SPTBN4: variants seen among roughly 807,000 people sequenced by gnomAD.
SPTBN4 encodes spectrin beta, non-erythrocytic 4.
SPTBN4 carries 96 observed loss-of-function variants against 277.8 expected under a neutral mutation model. The observed-to-expected ratio is 0.35, with a 90% CI of 0.29 to 0.41. SPTBN4 has a LOEUF of 0.41. Among genes scored for constraint, SPTBN4 ranks in the 10% least tolerant of loss-of-function variants. The pLI is 1.00. For synonymous variants in SPTBN4, 1,481 were observed against 1,580.3 expected (o/e 0.94, Z 1.49); for missense variants, 3,006 against 3,595.7 (o/e 0.84, Z 4.19).
At chr19:40,495,549 G>A (rs2080186836) in intron 6 of SPTBN4, among the ~76,000 whole-genome samples, 1 of 152,136 alleles carries the variant, frequency 6.6e-6, no homozygotes, top group Non-Finnish European at 1.5e-5. Flanking sequence ...TGGGGAGGCT[G>A]AGGCAGGAGA....
rs556912406 is a variant in SPTBN4 at position 40,570,807 on chromosome 19, G to A, written c.7319+79G>A. 8.2e-6 allele frequency: 12 copies of A among 1,468,402 alleles called. No homozygotes were observed. The East Asian group carries it at 1.9e-4, about 23-fold the overall frequency. The allele number at this position is 1,468,402 out of a possible 1,614,324, so 91.0% of individuals were successfully genotyped here. A position where few individuals can be genotyped will look rare whatever the true frequency, so the allele number is the denominator to read the frequency against. ...TGCGTGGAGCGGTGGGACTGAGGAG[G>A]GGGTGTGGCTCAACTTCAGGCCCTC... On this transcript the variant is annotated intron_variant, in intron 33 of 35. Coordinates refer to ENST00000598249, the MANE Select transcript of SPTBN4 (RefSeq NM_020971.3).
intron 7 of SPTBN4, among the ~76,000 whole-genome samples, chr19:40,500,654 T>C (rs1464665374): frequency 6.6e-6 from 1 of 152,142 alleles, no homozygotes. Flanking sequence ...ACCCTGTCTA[T>C]GTTTTATAAA....
chr19:40,566,232 T>C lies in SPTBN4; in HGVS notation c.6209T>C (p.Leu2070Pro). Residue 2070 changes from leucine (L) to proline (P), a missense_variant, in exon 30 of 36, where the codon CTC becomes CCC. Leu to Pro is a moderately conservative substitution (Grantham distance 98). Around this residue, in one of 5 missense-constraint regions of SPTBN4, gnomAD observed 425 missense variants for 594.7 expected, o/e 0.71. Coordinates refer to ENST00000598249, the MANE Select transcript of SPTBN4 (RefSeq NM_020971.3). ...ADAWLTAQEP[L>P]LQSRELGSSV... The stretch of plus-strand genomic sequence containing the variant: ...GCCTGGCTGACAGCCCAGGAGCCGC[T>C]CCTGCAGAGCCGGGAGCTGGGCAGC... 6.4e-7 allele frequency: 1 copy of C among 1,558,700 alleles called. No individual in the cohort carries two copies. The highest frequency in any genetic ancestry group is 8.7e-7 in the Non-Finnish European group (1 of 1,151,050).
intron 24 of SPTBN4, among the ~76,000 whole-genome samples, chr19:40,555,875 C>A (rs996577167): frequency 6.6e-6 from 1 of 151,896 alleles, no homozygotes; most frequent in African/African-American, 2.4e-5. Context: ...TGTGATCACA[C>A]CACTGCACTC....
Position 40,506,288 on chromosome 19 carries a change from T to C in SPTBN4, c.1718T>C (p.Leu573Pro). 6.2e-7 allele frequency: 1 copy of C among 1,614,000 alleles called. No individual in the cohort carries two copies. Among genetic ancestry groups the C allele is most frequent in the South Asian group, 1.1e-5 (1 of 91,058 alleles). ...CAGCACCTGGTGGAGGCAGACGACC[T>C]GTTGCAGAAGCATGGACTGCTGGAG... ...CGQHLVEADD[L>P]LQKHGLLEGD... is the part of the protein sequence containing the mutation. The change falls in exon 13 of 36, where the codon CTG becomes CCG. Residue 573 changes from leucine (L) to proline (P), a missense_variant. By Grantham distance (98) the Leu-to-Pro change is moderately conservative (BLOSUM62 -3). Transcript: ENST00000598249.
intron 20 of SPTBN4, among the ~76,000 whole-genome samples, chr19:40,545,479 T>A (rs955784499): frequency 1.3e-5 from 2 of 152,192 alleles, no homozygotes; most frequent in Non-Finnish European, 2.9e-5. Context: ...TGCAAAGACC[T>A]GCCAAATTGC....
intron 31 of SPTBN4, among the ~76,000 whole-genome samples, 187 bp from the exon 32 acceptor site, chr19:40,569,470 T>G (rs1002553027): frequency 4.6e-5 from 7 of 151,472 alleles, no homozygotes; most frequent in Admixed American, 2.6e-4. Context: ...AGGTTTGGTC[T>G]TCCATTCAGC....
chr19:40,530,508 C>T lies in SPTBN4; in HGVS notation c.3948+1377C>T, dbSNP rs1286621830. 9 of 979,924 alleles carry T rather than the reference C, an allele frequency of 9.2e-6. No individual in the cohort carries two copies. The East Asian group carries it at 6.9e-4, about 75-fold the overall frequency. 60.7% of individuals were successfully genotyped at this position (979,924 alleles called of 1,614,324 possible). ...CCGCCGGAGCCTCAGCCTTCGCCGC[C>T]GCTGCCGCTGCCGTCGCAGTTGAGG... is the stretch of plus-strand genomic sequence containing the variant. On this transcript the variant is annotated intron_variant, in intron 18 of 35. Coordinates refer to ENST00000598249, the MANE Select transcript of SPTBN4 (RefSeq NM_020971.3).
intron 5 of SPTBN4, among the ~76,000 whole-genome samples, chr19:40,494,602 A>T (rs1450033084): frequency 2.0e-5 from 3 of 151,386 alleles, no homozygotes; most frequent in Admixed American, 6.6e-5. Flanking sequence ...CTATCAACCT[A>T]TATCTATTAT....
rs554976265 is a variant in SPTBN4 at position 40,538,098 on chromosome 19, G to A, written c.4359+3755G>A. Among the ~76,000 whole-genome samples the A allele has an allele frequency of 1.2e-3, 187 of 152,250 alleles. 1 individual carries two copies. The highest frequency in any genetic ancestry group is 4.4e-3 in the Admixed American group (68 of 15,286). Reference sequence around the variant, plus strand: ...GGAGCTGGCACTCTTAGTCAAGAACGGCAGCCATGGCCAGACGCAGTGGCT... The same window carrying A: ...GGAGCTGGCACTCTTAGTCAAGAACAGCAGCCATGGCCAGACGCAGTGGCT... On this transcript the variant is annotated intron_variant, in intron 20 of 35. Transcript: ENST00000598249.
At chr19:40,555,623 C>T (rs1247576356) in intron 24 of SPTBN4, among the ~76,000 whole-genome samples, 2 of 151,886 alleles carry the variant, frequency 1.3e-5, no homozygotes, top group African/African-American at 4.8e-5. Context: ...GAACCCAAGA[C>T]TTGCAGAAAA....
chr19:40,548,523 C>T (rs1466669501), intron 20 of SPTBN4, among the ~76,000 whole-genome samples: 2 of 151,904 alleles, frequency 1.3e-5, no homozygotes, highest in African/African-American at 4.8e-5. Context: ...CAAGACCAGC[C>T]TGGCCAATAT....
Position 40,487,774 on chromosome 19 carries a change from G to A in SPTBN4, c.247G>A (p.Gly83Arg). The A allele has an allele frequency of 6.2e-7, 1 of 1,613,388 alleles. No individual in the cohort carries two copies. ...SHLARVGCHI[G>R]DLYVDLRDGF... ...CCTCGCCCGCGTGGGCTGCCACATCGGGGACCTCTATGTGGACCTCCGGGA... is the reference window on the plus strand; with the variant it reads ...CCTCGCCCGCGTGGGCTGCCACATCAGGGACCTCTATGTGGACCTCCGGGA... Residue 83 changes from glycine (G) to arginine (R), a missense_variant, in exon 3 of 36, where the codon GGG becomes AGG. Gly to Arg is a moderately radical substitution (Grantham distance 125). Coordinates refer to ENST00000598249, the MANE Select transcript of SPTBN4 (RefSeq NM_020971.3).
intron 22 of SPTBN4, among the ~76,000 whole-genome samples, chr19:40,551,305 C>T (rs547930351): frequency 6.6e-6 from 1 of 152,006 alleles, no homozygotes; most frequent in Admixed American, 6.6e-5. Context: ...AGGGAGGGTC[C>T]CTTGAGTCCA....
chr19:40,550,181 G>A (rs894889014), intron 21 of SPTBN4, 57 bp from the exon 22 acceptor site: 5 of 1,472,692 alleles, frequency 3.4e-6, no homozygotes, highest in African/African-American at 2.8e-5. Flanking sequence ...GTTTAGTTGC[G>A]ATGCAGGGGT....
intron 19 of SPTBN4, among the ~76,000 whole-genome samples, chr19:40,533,280 C>T (rs2080698588): frequency 6.6e-6 from 1 of 152,168 alleles, no homozygotes; most frequent in African/African-American, 2.4e-5. Context: ...AATATAGCTA[C>T]TTCCTGGGCT....
chr19:40,472,866 G>A, intron 2 of SPTBN4, 76 bp downstream of exon 2: 3 of 1,420,640 alleles, frequency 2.1e-6, no homozygotes, highest in East Asian at 2.5e-5. Context: ...TGGTGGCTGG[G>A]AGGGTGGGAA....
chr19:40,550,837 A>G (rs547869369), intron 22 of SPTBN4, among the ~76,000 whole-genome samples: 1 of 152,194 alleles, frequency 6.6e-6, no homozygotes, highest in South Asian at 2.1e-4. Context: ...TTTCTGCATG[A>G]GCTTTCTTCT....
chr19:40,556,178 T>C lies in SPTBN4; in HGVS notation c.5179T>C (p.Tyr1727His). 6.2e-7 allele frequency: 1 copy of C among 1,613,428 alleles called. No individual in the cohort carries two copies. Reference protein sequence around the residue: ...EERRVALEQQYWLYQLSRQVS... With the variant: ...EERRVALEQQHWLYQLSRQVS... Reference sequence around the variant, plus strand: ...GCGCCGGGTGGCTCTGGAACAGCAGTACTGGCTGTACCAGCTCAGCCGCCA... The same window carrying C: ...GCGCCGGGTGGCTCTGGAACAGCAGCACTGGCTGTACCAGCTCAGCCGCCA... The change falls in exon 25 of 36, where the codon TAC becomes CAC. Residue 1727 changes from tyrosine to histidine, a missense_variant. This residue lies in a region of SPTBN4 where 425 missense variants were observed against 594.7 expected (regional missense o/e 0.71). Transcript: ENST00000598249.
Sources: allele counts gnomAD v4.1 joint callset (sites outside exome capture counted in the v4.1 genomes callset), GRCh38; gene constraint gnomAD v4.1.1; regional missense constraint gnomAD v4.1.1; transcripts MANE v1.5; gene names NCBI Gene and HGNC (gene_info 2026-07-23, HGNC 2026-07-21).